Variants in CDKN3 observed in about 807,000 individuals in gnomAD.
CDKN3 encodes the protein cyclin dependent kinase inhibitor 3.
Under a neutral mutation model 36.1 loss-of-function variants are expected in CDKN3, and 19 were observed. The observed-to-expected ratio is 0.53, with a 90% CI of 0.37 to 0.77. CDKN3 has a LOEUF of 0.77. Among genes scored for constraint, CDKN3 ranks in the 30% least tolerant of loss-of-function variants. CDKN3 has a pLI of 0.00. For missense variants in CDKN3, 188 were observed against 248.6 expected (o/e 0.76, Z 1.64); for synonymous variants, 71 against 85.3 (o/e 0.83, Z 0.92).
In CDKN3 at chr14:54,420,201, A is replaced by G. The variant is rs2030680509; in HGVS notation, c.*123A>G. ...TAAATGTACATGTGCAGATATTCCT[A>G]AAGTTTTATTGACAAAACTCGTTGT... On this transcript the variant is annotated 3_prime_UTR_variant, in exon 8 of 8. Coordinates refer to ENST00000335183, the MANE Select transcript of CDKN3 (RefSeq NM_005192.4). The G allele has an allele frequency of 3.7e-6, 2 of 534,898 alleles. No individual in the cohort carries two copies. Among genetic ancestry groups the G allele is most frequent in the Non-Finnish European group, 6.6e-6 (2 of 303,188 alleles). The allele number at this position is 534,898 out of a possible 1,614,324, so 33.1% of individuals were successfully genotyped here. A position where few individuals can be genotyped will look rare whatever the true frequency, so the allele number is the denominator to read the frequency against.
At chr14:54,409,637 A>G (rs2030282345) in intron 4 of CDKN3, among the ~76,000 whole-genome samples, 1 of 152,086 alleles carries the variant, frequency 6.6e-6, no homozygotes. Context: ...GTTCGAGACC[A>G]GCCTGGGCAA....
intron 5 of CDKN3, chr14:54,413,846 T>C (rs1204414790): frequency 1.3e-5 from 18 of 1,384,016 alleles, no homozygotes; most frequent in Non-Finnish European, 1.7e-5. Flanking sequence ...CTTGGGGCTA[T>C]TGTAACAAAG....
intron 5 of CDKN3, chr14:54,413,878 AAAC>A: frequency 1.5e-6 from 2 of 1,300,938 alleles, no homozygotes; most frequent in Non-Finnish European, 2.0e-6. Flanking sequence ...AGGTAGCTGA[AAAC>A]AACAGAAATT....
intron 4 of CDKN3, among the ~76,000 whole-genome samples, chr14:54,409,704 G>A (rs1293628405): frequency 4.6e-5 from 7 of 151,764 alleles, no homozygotes; most frequent in Non-Finnish European, 7.4e-5. Context: ...ATGATGGCGC[G>A]TGCTTGTAGT....
At chr14:54,408,920 A>T (rs910315381) in intron 4 of CDKN3, 131 bp downstream of exon 4, 1 of 1,248,594 alleles carries the variant, frequency 8.0e-7, no homozygotes, top group Non-Finnish European at 1.1e-6. Context: ...GTGAAGTTCC[A>T]AACTATAGAC....
At chr14:54,403,316 T>C (rs1347454968) in intron 3 of CDKN3, among the ~76,000 whole-genome samples, 1 of 152,230 alleles carries the variant, frequency 6.6e-6, no homozygotes, top group Admixed American at 6.5e-5. Context: ...GTAGCAATTG[T>C]GAATGGGAGT....
intron 3 of CDKN3, among the ~76,000 whole-genome samples, chr14:54,405,763 A>ATTCTTTTAATTGGG (rs1355078324): frequency 7.0e-4 from 106 of 152,284 alleles, no homozygotes; most frequent in Admixed American, 1.8e-3. Context: ...TCCTGAATAC[A>ATTCTTTTAATTGGG]GCACACCAAT....
intron 4 of CDKN3, among the ~76,000 whole-genome samples, chr14:54,410,451 C>A (rs1382015447): frequency 6.6e-6 from 1 of 151,136 alleles, no homozygotes; most frequent in East Asian, 1.9e-4. Flanking sequence ...CTTAGATCAT[C>A]CAGTTATTTA....
chr14:54,410,292 G>A (rs1392651014), intron 4 of CDKN3, among the ~76,000 whole-genome samples: 1 of 152,034 alleles, frequency 6.6e-6, no homozygotes, highest in African/African-American at 2.4e-5. Flanking sequence ...AAAATCACTG[G>A]ATAATAAAAA....
In CDKN3 at chr14:54,397,043, C is replaced by A; in HGVS notation, c.-26C>A. On this transcript the variant is annotated 5_prime_UTR_variant, in exon 1 of 8. It adds an upstream start codon to the 5' untranslated region. Coordinates refer to ENST00000335183, the MANE Select transcript of CDKN3 (RefSeq NM_005192.4). ...GCCGGCGCTGCAGAGGGAGGCGGCA[C>A]TGGTCTCGACGTGGGGCGGCCAGCG... 4 of 1,490,114 alleles carry A rather than the reference C, an allele frequency of 2.7e-6. No individual in the cohort carries two copies. Among genetic ancestry groups the A allele is most frequent in the South Asian group, 1.3e-5 (1 of 77,720 alleles). 92.3% of individuals were successfully genotyped at this position (1,490,114 alleles called of 1,614,324 possible).
At chr14:54,406,127 G>A (rs545500573) in intron 3 of CDKN3, among the ~76,000 whole-genome samples, 10 of 152,146 alleles carry the variant, frequency 6.6e-5, no homozygotes, top group Admixed American at 6.5e-4. Flanking sequence ...GAAATTCTGG[G>A]TTGAAAATTA....
chr14:54,415,951 A>AT (rs1179415890), intron 6 of CDKN3, 21 bp downstream of exon 6: 5 of 1,557,592 alleles, frequency 3.2e-6, no homozygotes, highest in Non-Finnish European at 3.5e-6. Context: ...TATTTCTATT[A>AT]TTTTTTTAAC....
intron 3 of CDKN3, among the ~76,000 whole-genome samples, chr14:54,407,611 C>A (rs2139976176): frequency 6.6e-6 from 1 of 152,260 alleles, no homozygotes; most frequent in Admixed American, 6.5e-5. Context: ...GGTTCCGCAC[C>A]CAGTTCAAAC....
chr14:54,401,396 CT>C (rs1326578182), intron 2 of CDKN3, 127 bp from the exon 3 acceptor site: 1 of 571,904 alleles, frequency 1.7e-6, no homozygotes, highest in Non-Finnish European at 3.1e-6. Flanking sequence ...TGAATTCTTA[CT>C]TTGTGACTAC....
chr14:54,408,755 T>C lies in CDKN3; in HGVS notation c.159T>C (p.Phe53=). The change falls in exon 4 of 8, where the codon TTT becomes TTC. Residue 53 remains phenylalanine (F), a synonymous_variant. Transcript: ENST00000335183. The stretch of plus-strand genomic sequence containing the variant: ...TATTATTACTTATAGGTTGTAAATT[T>C]AAAGATGTTAGAAGAAATGTCCAAA... The part of the protein sequence containing the change: ...LGLCALPGCK[F]KDVRRNVQKD... The C allele has an allele frequency of 6.3e-7, 1 of 1,576,430 alleles. No individual in the cohort carries two copies. Among genetic ancestry groups the C allele is most frequent in the Admixed American group, 1.9e-5 (1 of 51,390 alleles).
At chr14:54,419,619 T>A (rs956942132) in intron 7 of CDKN3, among the ~76,000 whole-genome samples, 11 of 152,226 alleles carry the variant, frequency 7.2e-5, no homozygotes, top group African/African-American at 2.4e-4. Context: ...ATATACCAGT[T>A]ACTTGCTACA....
chr14:54,398,088 GC>G (rs1450188434), intron 1 of CDKN3, among the ~76,000 whole-genome samples: 1 of 152,124 alleles, frequency 6.6e-6, no homozygotes, highest in African/African-American at 2.4e-5. Context: ...CGGATATCAC[GC>G]CACTGCCCTC....
At chr14:54,412,612 G>C (rs2030397975) in intron 5 of CDKN3, among the ~76,000 whole-genome samples, 1 of 152,150 alleles carries the variant, frequency 6.6e-6, no homozygotes, top group African/African-American at 2.4e-5. Context: ...GACAAAATGA[G>C]GAGGAAAGAA....
At chr14:54,407,086 G>T (rs185619673) in intron 3 of CDKN3, among the ~76,000 whole-genome samples, 2 of 152,164 alleles carry the variant, frequency 1.3e-5, no homozygotes, top group African/African-American at 4.8e-5. Context: ...AGTTTTCCTT[G>T]TAACAGTCAG....
Sources: gnomAD v4.1 joint callset for allele counts (sites outside exome capture counted in the v4.1 genomes callset) on GRCh38, gnomAD v4.1.1 for gene constraint, MANE v1.5 for transcripts, NCBI Gene and HGNC (gene_info 2026-07-23, HGNC 2026-07-21) for gene names.